Variants in CHN2 observed in about 807,000 individuals in gnomAD.
CHN2 encodes beta-chimaerin.
Under a neutral mutation model 56.3 loss-of-function variants are expected in CHN2, and 35 were observed. The ratio of observed to expected loss-of-function variants is 0.62; its 90% CI spans 0.47 to 0.82. The LOEUF is 0.82. Among genes scored for constraint, CHN2 ranks in the 40% least tolerant of loss-of-function variants. The probability of loss-of-function intolerance (pLI) is 0.00; values close to 1 mark genes in which losing one functional copy is unlikely to be tolerated. For missense variants in CHN2, 491 were observed against 580.5 expected, an observed-to-expected ratio of 0.85 and a Z score of 1.58; for synonymous variants, 210 against 212.8, an observed-to-expected ratio of 0.99 and a Z score of 0.12.
chr7:29,241,069 A>G (rs903827576), intron 1 of CHN2, among the ~76,000 whole-genome samples: 1 of 152,078 alleles, frequency 6.6e-6, no homozygotes, highest in Non-Finnish European at 1.5e-5. Context: ...TATTTTTAGT[A>G]GAAACAGGGT....
At chr7:29,147,976 C>G (rs923626926) in intron 2 of CHN2, among the ~76,000 whole-genome samples, 1 of 152,272 alleles carries the variant, frequency 6.6e-6, no homozygotes, top group East Asian at 1.9e-4. Flanking sequence ...TTGCAGCCAC[C>G]TCCTCTCTTC....
intron 1 of CHN2, among the ~76,000 whole-genome samples, chr7:29,349,613 T>G (rs1278646790): frequency 1.3e-5 from 2 of 152,236 alleles, no homozygotes; most frequent in Non-Finnish European, 2.9e-5. Flanking sequence ...TATATCTTTG[T>G]ACATGTGTTC....
chr7:29,231,045 T>A (rs1240126274), intron 1 of CHN2, among the ~76,000 whole-genome samples: 1 of 152,218 alleles, frequency 6.6e-6, no homozygotes, highest in Admixed American at 6.5e-5. Flanking sequence ...TTCATAAACC[T>A]TTTTTCCAGC....
intron 6 of CHN2, among the ~76,000 whole-genome samples, chr7:29,477,717 A>G (rs1435406477): frequency 1.3e-5 from 2 of 152,252 alleles, no homozygotes; most frequent in Non-Finnish European, 2.9e-5. Context: ...AGAAGGGCCA[A>G]GGGGCCTGGT....
At chr7:29,342,458 A>T (rs571579075) in intron 1 of CHN2, among the ~76,000 whole-genome samples, 1 of 152,180 alleles carries the variant, frequency 6.6e-6, no homozygotes, top group Non-Finnish European at 1.5e-5. Context: ...AGTAATAACA[A>T]TGCCAGGGCC....
chr7:29,194,506 C>T (rs531786584), upstream of CHN2: 195 of 166,420 alleles, frequency 1.2e-3, no homozygotes, highest in African/African-American at 4.5e-3. Flanking sequence ...GCCCGGTCTA[C>T]TCGAAGTGCG....
rs573340230 is a variant in CHN2, at chr7:29,177,206, T to C, written c.274+30246T>C. Among the ~76,000 whole-genome samples the C allele has an allele frequency of 4.0e-5, 6 of 150,222 alleles. No homozygotes were observed. The East Asian group carries it at 1.2e-3, about 30-fold the overall frequency. On this transcript the variant is annotated intron_variant, in intron 2 of 6. Transcript: ENST00000439384. ...AAGTAATTTATACCTATATAGGAGA[T>C]CTTTTTCTTTTTTCTTTCTTTTTTT...
intron 1 of CHN2, among the ~76,000 whole-genome samples, chr7:29,203,115 A>T (rs112240330): frequency 4.2e-4 from 64 of 152,340 alleles, no homozygotes; most frequent in African/African-American, 1.5e-3. Context: ...AAAGCCAAAA[A>T]ATATAAAATA....
chr7:29,402,918 A>G (rs1802332620), intron 6 of CHN2, among the ~76,000 whole-genome samples: 1 of 125,204 alleles, frequency 8.0e-6, no homozygotes, highest in African/African-American at 2.5e-5. Flanking sequence ...TTAATAATCC[A>G]ATTAATAATC....
At chr7:29,265,789 A>G (rs1790091924) in intron 1 of CHN2, among the ~76,000 whole-genome samples, 1 of 152,192 alleles carries the variant, frequency 6.6e-6, no homozygotes, top group African/African-American at 2.4e-5. Context: ...CAGCTACTGT[A>G]GTACAGAGAG....
At chr7:29,167,923 A>G (rs757076104) in intron 2 of CHN2, among the ~76,000 whole-genome samples, 7 of 152,198 alleles carry the variant, frequency 4.6e-5, no homozygotes, top group Non-Finnish European at 1.0e-4. Flanking sequence ...TCCCTCTGAC[A>G]AGGAGGCCTA....
chr7:29,352,883 A>G (rs1797993054), intron 1 of CHN2, among the ~76,000 whole-genome samples: 1 of 152,202 alleles, frequency 6.6e-6, no homozygotes, highest in Non-Finnish European at 1.5e-5. Context: ...ACTAATACTC[A>G]TGTTAACCCA....
chr7:29,468,701 A>G (rs114882325), intron 6 of CHN2, among the ~76,000 whole-genome samples: 3,551 of 152,118 alleles, frequency 0.023, 131 homozygotes, highest in African/African-American at 0.076. Flanking sequence ...GATTCCCCCG[A>G]CTGCTGCTGG....
chr7:29,161,537 C>T (rs998296923), intron 2 of CHN2, among the ~76,000 whole-genome samples: 1 of 152,092 alleles, frequency 6.6e-6, no homozygotes, highest in South Asian at 2.1e-4. Context: ...TGCTCCTGGT[C>T]CTGGTTATTG....
rs184236948 is a variant in CHN2 at position 29,476,492 on chromosome 7, G to A, written c.577-3787G>A. Among the ~76,000 whole-genome samples the A allele has an allele frequency of 1.1e-4, 17 of 150,968 alleles. No individual in the cohort carries two copies. In the East Asian group the frequency reaches 2.5e-3, roughly 22 times the overall value. On this transcript the variant is annotated intron_variant, in intron 6 of 12. Coordinates refer to ENST00000222792, the MANE Select transcript of CHN2 (RefSeq NM_004067.4). ...GCAGAGGTTGCAGTGAGCCGAGATCGCGCCATTGCACTCCAGCCTGGATGA... is the reference window on the plus strand; with the variant it reads ...GCAGAGGTTGCAGTGAGCCGAGATCACGCCATTGCACTCCAGCCTGGATGA...
At chr7:29,346,307 C>G (rs34523634) in intron 1 of CHN2, among the ~76,000 whole-genome samples, 2 of 152,208 alleles carry the variant, frequency 1.3e-5, no homozygotes, top group Non-Finnish European at 2.9e-5. Flanking sequence ...TGTGCACAGA[C>G]ACAACATCCC....
At chr7:29,230,372 G>A (rs978906166) in intron 1 of CHN2, among the ~76,000 whole-genome samples, 1 of 151,938 alleles carries the variant, frequency 6.6e-6, no homozygotes, top group Non-Finnish European at 1.5e-5. Flanking sequence ...ACAGAGTCTC[G>A]CTCTGTCTTC....
At chr7:29,500,952 C>G (rs576213947) in intron 9 of CHN2, among the ~76,000 whole-genome samples, 1 of 152,314 alleles carries the variant, frequency 6.6e-6, no homozygotes, top group African/African-American at 2.4e-5. Context: ...AAAATGTTCA[C>G]TGAAGTTGCC....
At chr7:29,261,404 T>A (rs957958588) in intron 1 of CHN2, among the ~76,000 whole-genome samples, 2 of 152,176 alleles carry the variant, frequency 1.3e-5, no homozygotes, top group Non-Finnish European at 2.9e-5. Flanking sequence ...TCACCTCCCC[T>A]GCTAGGACGC....
Sources: allele counts gnomAD v4.1 joint callset (sites outside exome capture counted in the v4.1 genomes callset), GRCh38; gene constraint gnomAD v4.1.1; transcripts MANE v1.5; gene names NCBI Gene and HGNC (gene_info 2026-07-23, HGNC 2026-07-21).